The following FGF14 variants were observed in gnomAD, a reference collection of about 807,000 sequenced individuals.
FGF14 encodes the protein fibroblast growth factor 14.
In FGF14, 5 loss-of-function variants were observed where a neutral mutation model predicts 25.5. That is an observed-to-expected ratio of 0.20 (90% CI 0.10 to 0.41). FGF14 has a LOEUF of 0.41. FGF14 is among the 10% of genes least tolerant of loss of function. FGF14 has a pLI of 1.00. For synonymous variants in FGF14, 138 were observed against 118.3 expected, an observed-to-expected ratio of 1.17 and a Z score of -1.08; for missense variants, 222 against 320.1, an observed-to-expected ratio of 0.69 and a Z score of 2.34.
intron 1 of FGF14, among the ~76,000 whole-genome samples, chr13:102,304,498 G>A (rs914215991): frequency 6.6e-6 from 1 of 152,122 alleles, no homozygotes; most frequent in East Asian, 1.9e-4. Flanking sequence ...ATAGGCTTAA[G>A]AAGTAAGAAA....
Position 102,204,469 on chromosome 13 carries a change from G to A in FGF14, c.208+197002C>T, listed in dbSNP as rs1282863297. 4.6e-5 allele frequency among the ~76,000 whole-genome samples: 7 copies of A among 152,168 alleles called. No individual in the cohort carries two copies. The East Asian group carries it at 1.2e-3, about 25-fold the overall frequency. On this transcript the variant is annotated intron_variant, in intron 1 of 4. Transcript: ENST00000376131. Reference sequence around the variant, plus strand: ...CAGAGACAGCAGGGCAGAGTGAGTTGGGCATGGCCCATATATATGGTTGGT... The same window carrying A: ...CAGAGACAGCAGGGCAGAGTGAGTTAGGCATGGCCCATATATATGGTTGGT...
At chr13:102,152,524 A>C (rs1036277099) in intron 1 of FGF14, among the ~76,000 whole-genome samples, 1 of 152,158 alleles carries the variant, frequency 6.6e-6, no homozygotes, top group African/African-American at 2.4e-5. Flanking sequence ...CTGGTGACCT[A>C]ATTTTGACTT....
At position 102,298,161 on chromosome 13, in the gene FGF14, G is replaced by A. The variant is rs2054828911; in HGVS notation, c.208+103310C>T. Among the ~76,000 whole-genome samples, 3 of 152,156 alleles carry A rather than the reference G, an allele frequency of 2.0e-5. No individual in the cohort carries two copies. The South Asian group carries it at 6.2e-4, about 32-fold the overall frequency. Reference sequence around the variant, plus strand: ...GTACATGTGTTCTCATGCCATAAACGACTGGGGGAAAAAAACTCATGAAAA... The same window carrying A: ...GTACATGTGTTCTCATGCCATAAACAACTGGGGGAAAAAAACTCATGAAAA... On this transcript the variant is annotated intron_variant, in intron 1 of 4. Coordinates refer to the FGF14 transcript ENST00000376131.
intron 1 of FGF14, among the ~76,000 whole-genome samples, chr13:101,887,846 C>T (rs1322698): frequency 0.36 from 54,438 of 151,904 alleles, 10,376 homozygotes; most frequent in African/African-American, 0.46. Flanking sequence ...TCACATGCCC[C>T]AGAAATATGC....
chr13:102,107,964 T>G (rs1374744512), intron 1 of FGF14, among the ~76,000 whole-genome samples: 2 of 152,248 alleles, frequency 1.3e-5, no homozygotes, highest in Non-Finnish European at 2.9e-5. Context: ...TCATACTATG[T>G]AAAATATTCT....
At chr13:102,220,169 C>T (rs2050544571) in intron 1 of FGF14, among the ~76,000 whole-genome samples, 1 of 152,072 alleles carries the variant, frequency 6.6e-6, no homozygotes, top group South Asian at 2.1e-4. Context: ...AACTTTTCTG[C>T]TCATACGTCC....
At chr13:102,362,156 A>G (rs1349085503) in intron 1 of FGF14, among the ~76,000 whole-genome samples, 1 of 152,194 alleles carries the variant, frequency 6.6e-6, no homozygotes, top group Non-Finnish European at 1.5e-5. Context: ...ATGATAGTCC[A>G]GGCCCTTATA....
chr13:102,042,731 C>A (rs2041802132), intron 1 of FGF14, among the ~76,000 whole-genome samples: 1 of 152,140 alleles, frequency 6.6e-6, no homozygotes, highest in African/African-American at 2.4e-5. Flanking sequence ...CAACACATGT[C>A]TGTGTATATT....
chr13:102,258,389 C>T (rs558579240), intron 1 of FGF14, among the ~76,000 whole-genome samples: 1 of 152,194 alleles, frequency 6.6e-6, no homozygotes, highest in Non-Finnish European at 1.5e-5. Flanking sequence ...TCGCTTGCCT[C>T]CACCCCTCTT....
In FGF14 at chr13:101,714,259, G is replaced by C. The variant is rs1378924625; in HGVS notation, c.*8572C>G. 1.7e-6 allele frequency: 1 copy of C among 596,444 alleles called. No individual in the cohort carries two copies. The highest frequency in any genetic ancestry group is 2.8e-5 in the East Asian group (1 of 35,850). 36.9% of individuals were successfully genotyped at this position (596,444 alleles called of 1,614,324 possible). ...AGATCCATAATGAAGGCTTTCCTGGGTGACCTTTATGAATTACAGTAAGTA... is the reference window on the plus strand; with the variant it reads ...AGATCCATAATGAAGGCTTTCCTGGCTGACCTTTATGAATTACAGTAAGTA... On this transcript the variant is annotated 3_prime_UTR_variant, in exon 5 of 5. Transcript: ENST00000376143.
chr13:101,779,987 A>G (rs1325808495), intron 3 of FGF14, among the ~76,000 whole-genome samples: 3 of 152,128 alleles, frequency 2.0e-5, no homozygotes, highest in Non-Finnish European at 4.4e-5. Flanking sequence ...GTTCTATGGT[A>G]AAGTATCAAG....
At chr13:102,330,096 G>T (rs144453180) in intron 1 of FGF14, among the ~76,000 whole-genome samples, 4 of 152,144 alleles carry the variant, frequency 2.6e-5, no homozygotes, top group African/African-American at 9.7e-5. Context: ...CAGCAGAGAC[G>T]TGTTTCTGTC....
At chr13:101,841,813 T>C (rs1238360103) in intron 3 of FGF14, among the ~76,000 whole-genome samples, 3 of 151,902 alleles carry the variant, frequency 2.0e-5, no homozygotes, top group Non-Finnish European at 4.4e-5. Flanking sequence ...TGATCATCTG[T>C]GTCCCTGAAT....
At chr13:102,056,658 A>AT (rs1211590129) in intron 1 of FGF14, among the ~76,000 whole-genome samples, 1 of 151,982 alleles carries the variant, frequency 6.6e-6, no homozygotes, top group Non-Finnish European at 1.5e-5. Context: ...TAAAAGCTGT[A>AT]TTTTTGTCTT....
intron 1 of FGF14, among the ~76,000 whole-genome samples, chr13:102,126,618 AT>A (rs902361603): frequency 6.6e-6 from 1 of 152,130 alleles, no homozygotes; most frequent in African/African-American, 2.4e-5. Context: ...GTAATTTCAT[AT>A]TTTTTTGAGA....
intron 1 of FGF14, among the ~76,000 whole-genome samples, chr13:102,296,365 T>C (rs1219192538): frequency 6.6e-6 from 1 of 152,150 alleles, no homozygotes; most frequent in Non-Finnish European, 1.5e-5. Context: ...GGTTTGCAGC[T>C]TGGTGCACAA....
chr13:101,726,027 A>G (rs1326478459), intron 4 of FGF14, among the ~76,000 whole-genome samples: 2 of 152,018 alleles, frequency 1.3e-5, no homozygotes, highest in African/African-American at 4.8e-5. Context: ...AAATTATTTT[A>G]GTAAAAGAAG....
At chr13:102,055,194 T>C (rs77616693) in intron 1 of FGF14, among the ~76,000 whole-genome samples, 5,827 of 152,318 alleles carry the variant, frequency 0.038, 386 homozygotes, top group African/African-American at 0.13. Context: ...CTCATGCACA[T>C]GTTTTTCTAG....
chr13:102,372,969 C>T lies in FGF14; in HGVS notation c.208+28502G>A, dbSNP rs75576210. On this transcript the variant is annotated intron_variant, in intron 1 of 4. Coordinates refer to the FGF14 transcript ENST00000376131. Reference sequence around the variant, plus strand: ...AAATAATAATTTACCCAAGGCTACACCATGAGTAGGAAGGGAGGTGAAACT... The same window carrying T: ...AAATAATAATTTACCCAAGGCTACATCATGAGTAGGAAGGGAGGTGAAACT... Among the ~76,000 whole-genome samples the T allele has an allele frequency of 5.9e-5, 9 of 152,180 alleles. No homozygotes were observed. The East Asian group carries it at 1.7e-3, about 29-fold the overall frequency.
Sources: gnomAD v4.1 joint callset for allele counts (sites outside exome capture counted in the v4.1 genomes callset) on GRCh38, gnomAD v4.1.1 for gene constraint, MANE v1.5 for transcripts, NCBI Gene and HGNC (gene_info 2026-07-23, HGNC 2026-07-21) for gene names.